The following MPPED2 variants were observed in gnomAD, a reference collection of about 807,000 sequenced individuals.
MPPED2 encodes the protein metallophosphoesterase domain containing 2.
MPPED2 carries 5 observed loss-of-function variants against 33.0 expected under a neutral mutation model. That is an observed-to-expected ratio of 0.15 (90% CI 0.08 to 0.32). The LOEUF (loss-of-function observed/expected upper bound fraction) is 0.32. MPPED2 is among the 10% of genes least tolerant of loss of function. The pLI is 1.00. For synonymous variants in MPPED2, 136 were observed against 141.9 expected, an observed-to-expected ratio of 0.96 and a Z score of 0.29; for missense variants, 275 against 372.1, an observed-to-expected ratio of 0.74 and a Z score of 2.15.
At chr11:30,544,987 A>G (rs1955332186) in intron 2 of MPPED2, among the ~76,000 whole-genome samples, 1 of 152,234 alleles carries the variant, frequency 6.6e-6, no homozygotes, top group Non-Finnish European at 1.5e-5. Flanking sequence ...GTGGTGTGAA[A>G]GCACTTAGCA....
intron 4 of MPPED2, among the ~76,000 whole-genome samples, chr11:30,452,865 C>G (rs1017705154): frequency 1.3e-5 from 2 of 151,674 alleles, no homozygotes; most frequent in Admixed American, 6.6e-5. Context: ...TGGAAACTTA[C>G]AGCAAAAGAG....
At chr11:30,396,237 G>A (rs904679185) in intron 6 of MPPED2, among the ~76,000 whole-genome samples, 5 of 152,036 alleles carry the variant, frequency 3.3e-5, no homozygotes, top group South Asian at 2.1e-4. Flanking sequence ...AAAATATCTG[G>A]AGCAACTTGA....
At position 30,536,135 on chromosome 11, in the gene MPPED2, G is replaced by A. The variant is rs1356322228; in HGVS notation, c.169C>T (p.His57Tyr). The change falls in exon 3 of 7, where the codon CAC becomes TAC. Residue 57 changes from histidine (H) to tyrosine (Y), a missense_variant. His to Tyr is a moderately conservative substitution (Grantham distance 83, BLOSUM62 2). Transcript: ENST00000358117. ...TCTGAGATGCAGACAAACCGCGTGTGGCCCGCTGGTTTTGGAGTGTCATAT... is the reference window on the plus strand; with the variant it reads ...TCTGAGATGCAGACAAACCGCGTGTAGCCCGCTGGTTTTGGAGTGTCATAT... The part of the protein sequence containing the change: ...IPYDTPKPAG[H>Y]TRFVCISDTH... 3 of 1,612,022 alleles carry A rather than the reference G, an allele frequency of 1.9e-6. No individual in the cohort carries two copies. The highest frequency in any genetic ancestry group is 2.5e-6 in the Non-Finnish European group (3 of 1,179,238).
At chr11:30,517,581 C>T (rs1465538454) in intron 3 of MPPED2, among the ~76,000 whole-genome samples, 1 of 152,170 alleles carries the variant, frequency 6.6e-6, no homozygotes, top group African/African-American at 2.4e-5. Context: ...CGTAGTAACG[C>T]TGCTAAAGTG....
At chr11:30,405,362 G>A (rs1947973724), downstream of MPPED2, among the ~76,000 whole-genome samples, 1 of 152,118 alleles carries the variant, frequency 6.6e-6, no homozygotes, top group Non-Finnish European at 1.5e-5. Flanking sequence ...GGTAACTATG[G>A]CTTCATAAAA....
At chr11:30,418,880 C>G (rs1324445790) in intron 4 of MPPED2, among the ~76,000 whole-genome samples, 1 of 152,190 alleles carries the variant, frequency 6.6e-6, no homozygotes, top group Non-Finnish European at 1.5e-5. Context: ...TAGTCAAGAC[C>G]AGAGCGAGAA....
intron 3 of MPPED2, among the ~76,000 whole-genome samples, chr11:30,520,343 T>C (rs769380341): frequency 1.3e-5 from 2 of 152,198 alleles, no homozygotes; most frequent in Middle Eastern, 3.2e-3. Flanking sequence ...GTACTATAAA[T>C]ATGGCATTAA....
intron 6 of MPPED2, among the ~76,000 whole-genome samples, chr11:30,389,953 C>T (rs771501336): frequency 1.3e-5 from 2 of 152,184 alleles, no homozygotes; most frequent in Non-Finnish European, 2.9e-5. Context: ...CCCACAGCTA[C>T]TCAATATCTT....
chr11:30,520,250 T>C (rs891451680), intron 3 of MPPED2, among the ~76,000 whole-genome samples: 43 of 152,206 alleles, frequency 2.8e-4, no homozygotes, highest in African/African-American at 9.9e-4. Context: ...AGTTTCATAA[T>C]GTACACAAAA....
intron 4 of MPPED2, among the ~76,000 whole-genome samples, chr11:30,483,478 T>G (rs1254393863): frequency 6.6e-6 from 1 of 152,168 alleles, no homozygotes; most frequent in Non-Finnish European, 1.5e-5. Context: ...CCTTAAATCA[T>G]AACACCAAAG....
At chr11:30,550,181 G>C (rs1416113389) in intron 2 of MPPED2, among the ~76,000 whole-genome samples, 3 of 152,106 alleles carry the variant, frequency 2.0e-5, no homozygotes, top group Non-Finnish European at 1.5e-5. Flanking sequence ...TGTGATTCCT[G>C]TAGGAATCTA....
intron 6 of MPPED2, among the ~76,000 whole-genome samples, chr11:30,395,285 AGT>A (rs1947825948): frequency 6.6e-6 from 1 of 152,194 alleles, no homozygotes; most frequent in South Asian, 2.1e-4. Flanking sequence ...TTTTTAAAAT[AGT>A]ATATTCCAGG....
chr11:30,504,168 T>G (rs886296496), intron 3 of MPPED2, among the ~76,000 whole-genome samples: 4 of 152,130 alleles, frequency 2.6e-5, no homozygotes, highest in Middle Eastern at 3.2e-3. Context: ...AGGAGGAAAT[T>G]TTTCCTATTT....
At chr11:30,412,621 C>G (rs910965880) in intron 6 of MPPED2, among the ~76,000 whole-genome samples, 3 of 152,108 alleles carry the variant, frequency 2.0e-5, no homozygotes, top group Non-Finnish European at 4.4e-5. Context: ...AGAAAAGAGG[C>G]ATTTAAAATC....
intron 6 of MPPED2, among the ~76,000 whole-genome samples, chr11:30,393,103 G>A (rs994483702): frequency 2.0e-5 from 3 of 151,976 alleles, no homozygotes; most frequent in South Asian, 4.2e-4. Context: ...ACCTCTCATC[G>A]ACAGTTGTTT....
chr11:30,405,164 G>C (rs1224144412), intron 6 of MPPED2, among the ~76,000 whole-genome samples: 1 of 152,186 alleles, frequency 6.6e-6, no homozygotes, highest in Non-Finnish European at 1.5e-5. Context: ...TATACAAAAG[G>C]CATGGTGGTG....
intron 2 of MPPED2, among the ~76,000 whole-genome samples, chr11:30,555,932 A>G (rs1944736998): frequency 6.6e-6 from 1 of 152,102 alleles, no homozygotes; most frequent in Non-Finnish European, 1.5e-5. Flanking sequence ...TTCTTTTAGG[A>G]AATCTCTTTC....
intron 3 of MPPED2, chr11:30,504,929 T>G: frequency 6.8e-5 from 39 of 577,486 alleles, no homozygotes; most frequent in Non-Finnish European, 1.1e-4. Flanking sequence ...GAAAGCCCGG[T>G]GGTCCACTGC....
intron 4 of MPPED2, among the ~76,000 whole-genome samples, chr11:30,421,583 G>T (rs911570192): frequency 6.6e-6 from 1 of 152,068 alleles, no homozygotes; most frequent in African/African-American, 2.4e-5. Context: ...GGTATTATCA[G>T]CTCTATTTTT....
Sources: allele counts gnomAD v4.1 joint callset (sites outside exome capture counted in the v4.1 genomes callset), GRCh38; gene constraint gnomAD v4.1.1; transcripts MANE v1.5; gene names NCBI Gene and HGNC (gene_info 2026-07-23, HGNC 2026-07-21).